Variants in CAB39L observed in about 807,000 individuals in gnomAD.
The protein encoded by CAB39L is calcium binding protein 39 like, also known as calcium-binding protein 39-like.
A neutral mutation model predicts 39.1 loss-of-function variants in CAB39L; 23 were observed. That is an observed-to-expected ratio of 0.59 (90% CI 0.42 to 0.83). The LOEUF (loss-of-function observed/expected upper bound fraction) is 0.83. Among genes scored for constraint, CAB39L ranks in the 40% least tolerant of loss-of-function variants. The probability of loss-of-function intolerance (pLI) is 0.00; values close to 1 mark genes in which losing one functional copy is unlikely to be tolerated. For missense variants in CAB39L, 366 were observed against 391.9 expected (o/e 0.93, Z 0.56); for synonymous variants, 126 against 137.2 (o/e 0.92, Z 0.57).
At chr13:49,409,746 T>C (rs548364607) in intron 3 of CAB39L, among the ~76,000 whole-genome samples, 1 of 152,054 alleles carries the variant, frequency 6.6e-6, no homozygotes, top group Admixed American at 6.5e-5. Context: ...TAAAAGAATA[T>C]GTGTTTGAGC....
At chr13:49,425,822 G>A (rs1276249173) in intron 3 of CAB39L, among the ~76,000 whole-genome samples, 5 of 152,186 alleles carry the variant, frequency 3.3e-5, no homozygotes, top group Non-Finnish European at 5.9e-5. Flanking sequence ...TTTCCATCGG[G>A]AAATGATTCT....
At chr13:49,372,365 A>AT (rs1392535430) in intron 5 of CAB39L, among the ~76,000 whole-genome samples, 30 of 152,240 alleles carry the variant, frequency 2.0e-4, no homozygotes, top group African/African-American at 7.0e-4. Context: ...ACTAGCCATT[A>AT]TTCACATGAT....
intron 1 of CAB39L, among the ~76,000 whole-genome samples, chr13:49,441,208 A>T (rs1957511704): frequency 8.2e-6 from 1 of 121,356 alleles, no homozygotes; most frequent in Non-Finnish European, 1.5e-5. Flanking sequence ...TGATTTTCTT[A>T]TAATGATTTA....
In CAB39L at chr13:49,409,168, G is replaced by T. The variant is rs74073709; in HGVS notation, c.-32+24150C>A. ...TCAGAGCATACAGCAGTACAGCAAA[G>T]CATGAGGCAGGCAGAGGACTCCAGG... On this transcript the variant is annotated intron_variant, in intron 3 of 10. Coordinates refer to ENST00000409308, the MANE Select transcript of CAB39L (RefSeq NM_001079670.3). Among the ~76,000 whole-genome samples, 538 of 152,250 alleles carry T rather than the reference G, an allele frequency of 3.5e-3. 5 individuals carry two copies. Among genetic ancestry groups the T allele is most frequent in the African/African-American group, 0.012 (512 of 41,534 alleles).
intron 10 of CAB39L, among the ~76,000 whole-genome samples, chr13:49,313,255 G>T (rs1384315704): frequency 6.6e-6 from 1 of 152,156 alleles, no homozygotes; most frequent in Non-Finnish European, 1.5e-5. Context: ...GCCGAGGTGG[G>T]CGGATCACGA....
chr13:49,395,128 C>T lies in CAB39L; in HGVS notation c.-31-12187G>A, dbSNP rs118009444. 9.8e-3 allele frequency among the ~76,000 whole-genome samples: 1,493 copies of T among 151,882 alleles called. 13 individuals are homozygous for T. The highest frequency in any genetic ancestry group is 0.016 in the Non-Finnish European group (1,078 of 67,970). ...GCTTGTATAATAGATCATGCAAATG[C>T]TTTTATAGTAGAAATGTCTCTCTTA... On this transcript the variant is annotated intron_variant, in intron 3 of 10. Coordinates refer to ENST00000409308, the MANE Select transcript of CAB39L (RefSeq NM_001079670.3).
intron 5 of CAB39L, among the ~76,000 whole-genome samples, chr13:49,368,832 G>A (rs919828008): frequency 4.6e-5 from 7 of 152,186 alleles, no homozygotes; most frequent in African/African-American, 1.7e-4. Context: ...GTGAACAGCA[G>A]TCACAGCAAC....
intron 3 of CAB39L, among the ~76,000 whole-genome samples, chr13:49,395,893 A>C (rs1463156735): frequency 6.6e-6 from 1 of 152,066 alleles, no homozygotes; most frequent in Non-Finnish European, 1.5e-5. Context: ...TGGAGCATTA[A>C]ATGCCCTTGT....
At chr13:49,408,574 C>T (rs1956928701) in intron 3 of CAB39L, among the ~76,000 whole-genome samples, 1 of 152,170 alleles carries the variant, frequency 6.6e-6, no homozygotes, top group Non-Finnish European at 1.5e-5. Context: ...TGGCTCACCC[C>T]TGTAATCTCA....
chr13:49,376,743 T>C (rs1181010828), intron 5 of CAB39L, among the ~76,000 whole-genome samples: 1 of 152,208 alleles, frequency 6.6e-6, no homozygotes, highest in African/African-American at 2.4e-5. Context: ...TTACTTCTAT[T>C]AACCGTTATC....
Position 49,329,540 on chromosome 13 carries a change from AAAAAATATATATATAT to A in CAB39L, c.834+2391_834+2406del, listed in dbSNP as rs1326703021. Among the ~76,000 whole-genome samples the A allele has an allele frequency of 1.6e-3, 61 of 37,570 alleles. 5 individuals carry two copies. Among genetic ancestry groups the A allele is most frequent in the East Asian group, 0.011 (14 of 1,256 alleles). The allele number at this position is 37,570 out of a possible 152,430, so 24.6% of individuals were successfully genotyped here. ...TCCTACATATCTCTTCAATTAAAAA[AAAAAATATATATATAT>A]ATATATATATATATATATATATATA... On this transcript the variant is annotated intron_variant, in intron 10 of 10. Transcript: ENST00000409308.
chr13:49,326,692 G>A (rs1555671), intron 10 of CAB39L, among the ~76,000 whole-genome samples: 43,174 of 151,972 alleles, frequency 0.28, 7,214 homozygotes, highest in African/African-American at 0.47. Context: ...GAACATAGCC[G>A]GGGTACGGGG....
rs1411352535 is a variant in CAB39L, at chr13:49,311,056, G to T, written c.835-63C>A. On this transcript the variant is annotated intron_variant, in intron 10 of 10. Transcript: ENST00000409308. The stretch of plus-strand genomic sequence containing the variant: ...CAGGGACCTCACCCACGCTACAGCA[G>T]TGCAGGCCAGGGACCTCACCCACAC... 3.4e-6 allele frequency: 5 copies of T among 1,477,158 alleles called. No homozygotes were observed. The African/African-American group carries it at 7.0e-5, about 21-fold the overall frequency. The allele number at this position is 1,477,158 out of a possible 1,614,324, so 91.5% of individuals were successfully genotyped here.
At chr13:49,340,424 G>A (rs1954975422) in intron 8 of CAB39L, among the ~76,000 whole-genome samples, 1 of 152,196 alleles carries the variant, frequency 6.6e-6, no homozygotes, top group South Asian at 2.1e-4. Context: ...GAGGACAAGA[G>A]ATCAGGAACT....
intron 1 of CAB39L, among the ~76,000 whole-genome samples, chr13:49,435,223 G>A (rs1040227865): frequency 1.3e-5 from 2 of 152,152 alleles, no homozygotes; most frequent in Non-Finnish European, 2.9e-5. Flanking sequence ...GCAGACTGTT[G>A]TACTGTCTGG....
At chr13:49,380,769 T>C (rs1956237600) in intron 4 of CAB39L, among the ~76,000 whole-genome samples, 1 of 152,236 alleles carries the variant, frequency 6.6e-6, no homozygotes, top group African/African-American at 2.4e-5. Flanking sequence ...ATACTTTCAT[T>C]ACTTTTAAGT....
intron 3 of CAB39L, among the ~76,000 whole-genome samples, chr13:49,393,688 A>T (rs9596092): frequency 0.13 from 19,041 of 151,644 alleles, 1,448 homozygotes; most frequent in African/African-American, 0.2. Flanking sequence ...ATTTGAGGTT[A>T]AAAAAAACAC....
intron 8 of CAB39L, 27 bp from the exon 9 acceptor site, chr13:49,339,769 G>C: frequency 1.3e-6 from 2 of 1,526,410 alleles, no homozygotes; most frequent in Admixed American, 2.2e-5. Context: ...ACACATTAGA[G>C]TGTAAAAGCA....
chr13:49,434,139 T>A lies in CAB39L; in HGVS notation c.-161A>T, dbSNP rs1957370735. On this transcript the variant is annotated 5_prime_UTR_variant, in exon 2 of 11. Transcript: ENST00000409308. ...CATGAAGAATGAACAAACCACTGAT[T>A]TGGGGTTCGCATCTTTACGTTCTGA... is the stretch of plus-strand genomic sequence containing the variant. The A allele has an allele frequency of 2.2e-6, 1 of 456,894 alleles. No individual in the cohort carries two copies. The highest frequency in any genetic ancestry group is 4.4e-6 in the Non-Finnish European group (1 of 227,012). 28.3% of individuals were successfully genotyped at this position (456,894 alleles called of 1,614,324 possible).
Sources: allele counts gnomAD v4.1 joint callset (sites outside exome capture counted in the v4.1 genomes callset), GRCh38; gene constraint gnomAD v4.1.1; transcripts MANE v1.5; gene names NCBI Gene and HGNC (gene_info 2026-07-23, HGNC 2026-07-21).